The following ADGRD1 variants were observed in gnomAD, a reference collection of about 807,000 sequenced individuals.
The protein encoded by ADGRD1 is G-protein coupled receptor 133.
ADGRD1 carries 77 observed loss-of-function variants against 113.4 expected under a neutral mutation model. That is an observed-to-expected ratio of 0.68 (90% confidence interval 0.57 to 0.82). The LOEUF (loss-of-function observed/expected upper bound fraction) is 0.82. Ranked by LOEUF, ADGRD1 falls within the 40% of genes least tolerant of loss-of-function variation. The probability of loss-of-function intolerance (pLI) is 0.00; values close to 1 mark genes in which losing one functional copy is unlikely to be tolerated. For missense variants in ADGRD1, 1,036 were observed against 1,139.1 expected, an observed-to-expected ratio of 0.91 and a Z score of 1.30; for synonymous variants, 474 against 475.0, an observed-to-expected ratio of 1.00 and a Z score of 0.03.
At chr12:131,002,541 C>G in intron 9 of ADGRD1, 5 of 999,200 alleles carry the variant, frequency 5.0e-6, no homozygotes, top group Non-Finnish European at 6.0e-6. Context: ...GCTCACTGGC[C>G]CAGCTCAGCA....
chr12:131,048,156 T>C (rs1205079165), intron 13 of ADGRD1, among the ~76,000 whole-genome samples: 1 of 152,216 alleles, frequency 6.6e-6, no homozygotes, highest in African/African-American at 2.4e-5. Context: ...TCTCTGGCCC[T>C]GCCCCAGCAC....
chr12:131,123,593 A>G (rs113422551), intron 20 of ADGRD1, among the ~76,000 whole-genome samples: 3 of 151,876 alleles, frequency 2.0e-5, no homozygotes, highest in East Asian at 2.0e-4. Context: ...AGGCCAAGGC[A>G]GGCGGATCAT....
chr12:131,009,493 G>A (rs1877599497), intron 12 of ADGRD1, among the ~76,000 whole-genome samples: 1 of 152,192 alleles, frequency 6.6e-6, no homozygotes, highest in Non-Finnish European at 1.5e-5. Flanking sequence ...TAGGGTCCTC[G>A]TTAAATTTCT....
chr12:131,030,028 A>G (rs551447644), intron 13 of ADGRD1, among the ~76,000 whole-genome samples: 1 of 138,410 alleles, frequency 7.2e-6, no homozygotes, highest in Non-Finnish European at 1.5e-5. Flanking sequence ...TAGGATGTGG[A>G]CCCCTCTTAT....
At chr12:130,958,344 C>A (rs930399356) in intron 2 of ADGRD1, among the ~76,000 whole-genome samples, 1 of 151,942 alleles carries the variant, frequency 6.6e-6, no homozygotes, top group Non-Finnish European at 1.5e-5. Context: ...GGACTACAGG[C>A]GCCCGTGACC....
intron 12 of ADGRD1, among the ~76,000 whole-genome samples, chr12:131,012,277 A>ATT (rs11414277): frequency 9.5e-4 from 140 of 147,318 alleles, no homozygotes; most frequent in East Asian, 7.9e-3. Context: ...CTTTCTTTTC[A>ATT]TTTTTTTTTT....
At chr12:131,114,309 C>T (rs895874040) in intron 18 of ADGRD1, among the ~76,000 whole-genome samples, 9 of 152,156 alleles carry the variant, frequency 5.9e-5, no homozygotes, top group African/African-American at 1.4e-4. Flanking sequence ...GGAGATCCGA[C>T]GCCCTGAGTT....
intron 17 of ADGRD1, 43 bp from the exon 18 acceptor site, chr12:131,108,681 C>T (rs1030684559): frequency 5.6e-6 from 9 of 1,613,466 alleles, no homozygotes; most frequent in Non-Finnish European, 7.6e-6. Flanking sequence ...GCCCAGGGCC[C>T]ACCCCAGAGC....
intron 13 of ADGRD1, among the ~76,000 whole-genome samples, chr12:131,015,213 CCCA>C (rs1878412728): frequency 6.6e-6 from 1 of 152,260 alleles, no homozygotes; most frequent in Admixed American, 6.5e-5. Flanking sequence ...GTGTTTCTGC[CCCA>C]CCTGGGAGGG....
intron 14 of ADGRD1, among the ~76,000 whole-genome samples, chr12:131,082,787 CAGTT>C (rs750551401): frequency 2.1e-4 from 32 of 152,324 alleles, no homozygotes; most frequent in Middle Eastern, 3.4e-3. Flanking sequence ...TTGCTCCTCT[CAGTT>C]GGTACGTCTG....
intron 13 of ADGRD1, among the ~76,000 whole-genome samples, chr12:131,039,699 T>A (rs1881917926): frequency 2.0e-5 from 3 of 151,886 alleles, no homozygotes; most frequent in Admixed American, 2.0e-4. Context: ...GGGGTGGCAC[T>A]CCCTGGAGGA....
intron 14 of ADGRD1, among the ~76,000 whole-genome samples, chr12:131,081,558 T>A (rs1886071467): frequency 6.6e-6 from 1 of 152,174 alleles, no homozygotes; most frequent in South Asian, 2.1e-4. Context: ...TAAGACATTG[T>A]AACAATAGGT....
At chr12:131,040,780 C>T (rs139831648) in intron 13 of ADGRD1, among the ~76,000 whole-genome samples, 67 of 152,368 alleles carry the variant, frequency 4.4e-4, no homozygotes, top group African/African-American at 1.4e-3. Context: ...ATTTGGGAAA[C>T]GGCAGGCTTG....
chr12:130,996,818 C>T (rs1875481394), intron 8 of ADGRD1, among the ~76,000 whole-genome samples: 2 of 116,090 alleles, frequency 1.7e-5, no homozygotes, highest in Non-Finnish European at 3.7e-5. Context: ...GACGGGGCGG[C>T]TGGCCGGGCG....
intron 2 of ADGRD1, chr12:130,957,731 A>T (rs1017682227): frequency 1.3e-5 from 2 of 152,240 alleles, no homozygotes; most frequent in Non-Finnish European, 2.9e-5. Flanking sequence ...ACTGTCTTAG[A>T]GAAACGACGG....
intron 15 of ADGRD1, among the ~76,000 whole-genome samples, chr12:131,090,054 C>A (rs1432264833): frequency 6.6e-6 from 1 of 152,122 alleles, no homozygotes; most frequent in African/African-American, 2.4e-5. Context: ...AGGGCCCAGT[C>A]CAGCGAGTAA....
chr12:131,121,243 T>G (rs1950586419), intron 20 of ADGRD1, among the ~76,000 whole-genome samples: 1 of 152,128 alleles, frequency 6.6e-6, no homozygotes, highest in South Asian at 2.1e-4. Context: ...ACCCACCGGC[T>G]AGCTCCTTGC....
intron 13 of ADGRD1, among the ~76,000 whole-genome samples, chr12:131,067,211 A>G (rs1151354): frequency 6.6e-6 from 1 of 152,090 alleles, no homozygotes; most frequent in African/African-American, 2.4e-5. Flanking sequence ...AGGTTTGGAC[A>G]TGCTCCGTTT....
intron 3 of ADGRD1, chr12:130,967,667 C>T (rs1021646027): frequency 6.6e-6 from 1 of 152,306 alleles, no homozygotes; most frequent in African/African-American, 2.4e-5. Flanking sequence ...GAAATGTTTC[C>T]TTAAAATTTG....
Sources: gnomAD v4.1 joint callset for allele counts (sites outside exome capture counted in the v4.1 genomes callset) on GRCh38, gnomAD v4.1.1 for gene constraint, MANE v1.5 for transcripts, NCBI Gene and HGNC (gene_info 2026-07-23, HGNC 2026-07-21) for gene names.